The following ARHGAP24 variants were observed in gnomAD, a reference collection of about 807,000 sequenced individuals.
ARHGAP24 encodes Rho GTPase activating protein 24, also known as rho GTPase-activating protein 24.
A neutral mutation model predicts 76.4 loss-of-function variants in ARHGAP24; 50 were observed. That is an observed-to-expected ratio of 0.65 (90% CI 0.52 to 0.83). ARHGAP24 has a LOEUF of 0.83. Among genes scored for constraint, ARHGAP24 ranks in the 40% least tolerant of loss-of-function variants. ARHGAP24 has a pLI of 0.00. For synonymous variants in ARHGAP24, 345 were observed against 323.3 expected (o/e 1.07, Z -0.72); for missense variants, 930 against 914.2 (o/e 1.02, Z -0.22).
chr4:85,716,282 T>G (rs1426790157), intron 2 of ARHGAP24, among the ~76,000 whole-genome samples: 1 of 152,132 alleles, frequency 6.6e-6, no homozygotes, highest in Admixed American at 6.6e-5. Flanking sequence ...AATAGTAATT[T>G]TAGCTGACAG....
In ARHGAP24 at chr4:85,977,579, T is replaced by G; in HGVS notation, c.816T>G (p.Asp272Glu). 1.2e-6 allele frequency: 2 copies of G among 1,613,706 alleles called. No individual in the cohort carries two copies. The highest frequency in any genetic ancestry group is 1.3e-5 in the African/African-American group (1 of 75,048). The change falls in exon 8 of 10, where the codon GAT (aspartate) becomes GAG (glutamate). Residue 272 changes from aspartate (D) to glutamate (E), a missense_variant. By Grantham distance (45) the Asp-to-Glu change is conservative. Transcript: ENST00000395184. The stretch of plus-strand genomic sequence containing the variant: ...TGCTTATACTCCATAGATTCTTGGA[T>G]GAAGTACAGTCCTACTCGGGAGTTA... ...NLLKYICRFL[D>E]EVQSYSGVNK...
chr4:85,872,442 G>A (rs1419655454), intron 3 of ARHGAP24, among the ~76,000 whole-genome samples: 5 of 151,098 alleles, frequency 3.3e-5, no homozygotes, highest in Admixed American at 6.6e-5. Flanking sequence ...GATTACAGGC[G>A]TCCACCACCA....
intron 3 of ARHGAP24, among the ~76,000 whole-genome samples, chr4:85,802,818 G>A (rs1032356749): frequency 2.6e-5 from 4 of 152,026 alleles, no homozygotes; most frequent in East Asian, 1.9e-4. Flanking sequence ...ACAAAAAACC[G>A]AAACTTTAGT....
intron 3 of ARHGAP24, among the ~76,000 whole-genome samples, chr4:85,910,805 G>A (rs892173014): frequency 2.6e-5 from 4 of 152,034 alleles, no homozygotes; most frequent in African/African-American, 9.7e-5. Flanking sequence ...CCCAGAAAAG[G>A]CTTCACAAGT....
intron 2 of ARHGAP24, among the ~76,000 whole-genome samples, chr4:85,668,214 A>G (rs969490723): frequency 2.6e-5 from 4 of 152,188 alleles, no homozygotes; most frequent in Non-Finnish European, 5.9e-5. Context: ...GTTTACTCTA[A>G]TACTATGTTC....
intron 5 of ARHGAP24, among the ~76,000 whole-genome samples, chr4:85,968,627 A>G (rs939538173): frequency 2.0e-5 from 3 of 152,122 alleles, no homozygotes; most frequent in African/African-American, 7.2e-5. Flanking sequence ...CCCCATTGCA[A>G]TAGGTAGCCT....
At chr4:85,703,912 C>T (rs1724199106) in intron 2 of ARHGAP24, among the ~76,000 whole-genome samples, 1 of 152,148 alleles carries the variant, frequency 6.6e-6, no homozygotes, top group Admixed American at 6.6e-5. Flanking sequence ...AAAAAAATCC[C>T]CAATGCCCCT....
intron 2 of ARHGAP24, among the ~76,000 whole-genome samples, chr4:85,597,400 A>C (rs1363133807): frequency 6.6e-6 from 1 of 152,046 alleles, no homozygotes; most frequent in Non-Finnish European, 1.5e-5. Context: ...AAACCAGGTC[A>C]TTATTGGAGA....
chr4:85,816,151 C>T (rs1159721071), intron 3 of ARHGAP24, among the ~76,000 whole-genome samples: 8 of 152,062 alleles, frequency 5.3e-5, no homozygotes, highest in Non-Finnish European at 1.0e-4. Context: ...GACACAGAGC[C>T]GAACCATATC....
At chr4:85,558,038 GC>G (rs1326079015) in intron 1 of ARHGAP24, among the ~76,000 whole-genome samples, 3 of 152,088 alleles carry the variant, frequency 2.0e-5, no homozygotes, top group Non-Finnish European at 4.4e-5. Flanking sequence ...GAAGATGAAT[GC>G]CGCCAACCTC....
At chr4:85,997,285 G>C (rs1458886465) in intron 9 of ARHGAP24, among the ~76,000 whole-genome samples, 1 of 150,970 alleles carries the variant, frequency 6.6e-6, no homozygotes, top group Admixed American at 6.6e-5. Context: ...TAGGTAAATA[G>C]GTAGGTAGGT....
At chr4:85,544,332 T>A (rs1368452548) in intron 1 of ARHGAP24, among the ~76,000 whole-genome samples, 1 of 152,270 alleles carries the variant, frequency 6.6e-6, no homozygotes, top group Admixed American at 6.5e-5. Flanking sequence ...TGTTAAGCTT[T>A]AATCTATTAA....
At chr4:85,839,425 C>T (rs149670137) in intron 3 of ARHGAP24, among the ~76,000 whole-genome samples, 8 of 152,222 alleles carry the variant, frequency 5.3e-5, no homozygotes, top group African/African-American at 1.9e-4. Flanking sequence ...AAGCTTTAAA[C>T]CTGAATATGT....
chr4:85,682,537 T>C (rs1251887071), intron 2 of ARHGAP24, among the ~76,000 whole-genome samples: 1 of 152,200 alleles, frequency 6.6e-6, no homozygotes, highest in Non-Finnish European at 1.5e-5. Flanking sequence ...CAGCATTGTT[T>C]TGGGAGCCAG....
intron 1 of ARHGAP24, among the ~76,000 whole-genome samples, chr4:85,517,344 T>C (rs1412841087): frequency 6.6e-6 from 1 of 152,180 alleles, no homozygotes; most frequent in Non-Finnish European, 1.5e-5. Context: ...ATATTTTTTC[T>C]GAACAGTATA....
At chr4:85,944,123 T>G (rs1030890007) in intron 5 of ARHGAP24, among the ~76,000 whole-genome samples, 1 of 152,204 alleles carries the variant, frequency 6.6e-6, no homozygotes, top group Non-Finnish European at 1.5e-5. Context: ...CAGCATCTGT[T>G]GTTTCCTGAC....
At chr4:85,816,113 G>A (rs1331496368) in intron 3 of ARHGAP24, among the ~76,000 whole-genome samples, 1 of 152,142 alleles carries the variant, frequency 6.6e-6, no homozygotes, top group Non-Finnish European at 1.5e-5. Context: ...AATTATGGGA[G>A]TACAATTCAA....
intron 2 of ARHGAP24, among the ~76,000 whole-genome samples, chr4:85,689,873 T>TA (rs1484824581): frequency 3.9e-5 from 6 of 152,210 alleles, no homozygotes; most frequent in African/African-American, 1.4e-4. Flanking sequence ...TTTGCCTGAT[T>TA]AGTCTGTGTA....
chr4:85,482,022 T>G (rs1385203564), intron 1 of ARHGAP24, among the ~76,000 whole-genome samples: 2 of 152,208 alleles, frequency 1.3e-5, no homozygotes, highest in South Asian at 2.1e-4. Context: ...ACAGCTACCT[T>G]GAAGAGTCAT....
Sources: gnomAD v4.1 joint callset for allele counts (sites outside exome capture counted in the v4.1 genomes callset) on GRCh38, gnomAD v4.1.1 for gene constraint, MANE v1.5 for transcripts, NCBI Gene and HGNC (gene_info 2026-07-23, HGNC 2026-07-21) for gene names.